Variants in CDH23 observed in about 807,000 individuals in gnomAD.
The protein encoded by CDH23 is cadherin related 23.
A neutral mutation model predicts 317.1 loss-of-function variants in CDH23; 189 were observed. That is an observed-to-expected ratio of 0.60 (90% CI 0.53 to 0.67). The LOEUF is 0.67. CDH23 is among the 30% of genes least tolerant of loss of function. The probability of loss-of-function intolerance (pLI) is 0.00; values close to 1 mark genes in which losing one functional copy is unlikely to be tolerated. For missense variants in CDH23, 4,401 were observed against 4,592.4 expected (o/e 0.96, Z 1.20); for synonymous variants, 1,839 against 1,876.8 (o/e 0.98, Z 0.52).
intron 1 of CDH23, among the ~76,000 whole-genome samples, chr10:71,420,857 G>A (rs183338145): frequency 3.9e-5 from 6 of 152,076 alleles, no homozygotes; most frequent in Non-Finnish European, 8.8e-5. Flanking sequence ...GCATTTCTCG[G>A]CACCACCCCC....
At chr10:71,637,986 G>C (rs370249608) in intron 11 of CDH23, among the ~76,000 whole-genome samples, 3 of 152,154 alleles carry the variant, frequency 2.0e-5, no homozygotes, top group African/African-American at 7.2e-5. Flanking sequence ...AGGGTTGGTT[G>C]ACGGTCCCCT....
chr10:71,451,974 G>C (rs1473565060), intron 3 of CDH23, among the ~76,000 whole-genome samples: 6 of 152,210 alleles, frequency 3.9e-5, no homozygotes, highest in Non-Finnish European at 8.8e-5. Context: ...CGAGGTGTTG[G>C]TGGCGATGGG....
intron 14 of CDH23, among the ~76,000 whole-genome samples, chr10:71,658,553 G>A (rs1377889724): frequency 6.6e-6 from 1 of 152,254 alleles, no homozygotes; most frequent in Non-Finnish European, 1.5e-5. Flanking sequence ...AGCTCTGTCT[G>A]CGGCTAATCT....
At chr10:71,492,819 G>A (rs934598630) in intron 3 of CDH23, among the ~76,000 whole-genome samples, 1 of 152,224 alleles carries the variant, frequency 6.6e-6, no homozygotes, top group African/African-American at 2.4e-5. Flanking sequence ...GGTGTGCTGC[G>A]CTTGGAGTCT....
chr10:71,711,822 G>C (rs1227552927), intron 27 of CDH23: 1 of 152,106 alleles, frequency 6.6e-6, no homozygotes, highest in African/African-American at 2.4e-5. Flanking sequence ...CTGGAGTGGA[G>C]GACAGCTGCC....
chr10:71,504,251 GT>G (rs1853508134), intron 3 of CDH23, among the ~76,000 whole-genome samples: 1 of 152,104 alleles, frequency 6.6e-6, no homozygotes, highest in Non-Finnish European at 1.5e-5. Flanking sequence ...TCTACTTTCT[GT>G]CTCTATGAAT....
At chr10:71,549,527 G>A (rs1856467781) in intron 6 of CDH23, among the ~76,000 whole-genome samples, 1 of 152,208 alleles carries the variant, frequency 6.6e-6, no homozygotes, top group African/African-American at 2.4e-5. Flanking sequence ...CTAAACAGGG[G>A]TAACAAGCAG....
At chr10:71,763,750 G>A (rs1324408232) in intron 38 of CDH23, among the ~76,000 whole-genome samples, 1 of 152,222 alleles carries the variant, frequency 6.6e-6, no homozygotes, top group Admixed American at 6.5e-5. Flanking sequence ...CGAGTAGTCG[G>A]CGCTTGGTAC....
At position 71,806,236 on chromosome 10, in the gene CDH23, C is replaced by T. The variant is rs1387991332; in HGVS notation, c.8133C>T (p.Ala2711=). Reference sequence around the variant, plus strand: ...AGACTATGCAGCCGCTGCAGGTGGCCCTGGAGGACATCGATGACAACGAAC... The same window carrying T: ...AGACTATGCAGCCGCTGCAGGTGGCTCTGGAGGACATCGATGACAACGAAC... ...PYETMQPLQV[A]LEDIDDNEPL... The change falls in exon 57 of 70, where the codon GCC becomes GCT. Residue 2711 remains alanine (A), a synonymous_variant. Coordinates refer to ENST00000224721, the MANE Select transcript of CDH23 (RefSeq NM_022124.6). The T allele has an allele frequency of 1.3e-6, 2 of 1,576,096 alleles. No homozygotes were observed. Among genetic ancestry groups the T allele is most frequent in the Non-Finnish European group, 1.7e-6 (2 of 1,160,966 alleles).
intron 3 of CDH23, among the ~76,000 whole-genome samples, chr10:71,463,079 T>G (rs73283741): frequency 0.011 from 1,671 of 152,348 alleles, 30 homozygotes; most frequent in African/African-American, 0.037. Flanking sequence ...TTTCACAACC[T>G]AGATTACCTA....
chr10:71,737,691 A>AC (rs1564767428), intron 34 of CDH23: 2 of 469,494 alleles, frequency 4.3e-6, no homozygotes, highest in Non-Finnish European at 8.8e-6. Context: ...AGCTCCTCCA[A>AC]CCCCCCTCAC....
intron 26 of CDH23, among the ~76,000 whole-genome samples, chr10:71,708,161 CA>C (rs1405595587): frequency 6.6e-6 from 1 of 152,160 alleles, no homozygotes; most frequent in Non-Finnish European, 1.5e-5. Context: ...GATGGTACTT[CA>C]GACACTGGGG....
rs531513127 is a variant in CDH23, at chr10:71,793,440, G to C, written c.6512G>C (p.Arg2171Pro). The C allele has an allele frequency of 6.2e-7, 1 of 1,613,936 alleles. No homozygotes were observed. The highest frequency in any genetic ancestry group is 1.1e-5 in the South Asian group (1 of 91,072). Reference protein sequence around the residue: ...TILIDDINDSRPEFLNPIQTV... With the variant: ...TILIDDINDSPPEFLNPIQTV... ...CTGATCGATGACATCAATGACTCCC[G>C]CCCCGAGTTCCTCAACCCCATCCAG... The change falls in exon 48 of 70, where the codon CGC becomes CCC. Residue 2171 changes from arginine (R) to proline (P), a missense_variant. Physicochemically the swap from Arg to Pro is moderately radical, Grantham distance 103. Around this residue, in one of 3 missense-constraint regions of CDH23, gnomAD observed 3,068 missense variants for 3,203.3 expected, o/e 0.96. Transcript: ENST00000224721.
At chr10:71,519,218 G>C (rs1854516758) in intron 6 of CDH23, among the ~76,000 whole-genome samples, 1 of 152,100 alleles carries the variant, frequency 6.6e-6, no homozygotes, top group Admixed American at 6.6e-5. Context: ...GCACTCACCG[G>C]AACACCTTTT....
chr10:71,712,982 C>T, intron 28 of CDH23, 169 bp downstream of exon 28: 2 of 831,416 alleles, frequency 2.4e-6, no homozygotes, highest in Non-Finnish European at 4.0e-6. Flanking sequence ...AGGCCCTCTC[C>T]CATCCCAGGG....
intron 36 of CDH23, 73 bp downstream of exon 36, chr10:71,739,845 G>T: frequency 6.7e-7 from 1 of 1,492,474 alleles, no homozygotes. Flanking sequence ...CTCCATCCAG[G>T]AGAGAGCCTG....
chr10:71,762,551 C>T (rs1188330584), intron 38 of CDH23, among the ~76,000 whole-genome samples: 2 of 152,246 alleles, frequency 1.3e-5, no homozygotes, highest in South Asian at 2.1e-4. Flanking sequence ...TGCATGGCCT[C>T]CCCTTGAGCA....
chr10:71,815,376 AG>A lies in CDH23; in HGVS notation c.*100del. The A allele has an allele frequency of 2.5e-6, 3 of 1,200,454 alleles. No individual in the cohort carries two copies. Among genetic ancestry groups the A allele is most frequent in the Non-Finnish European group, 3.4e-6 (3 of 879,942 alleles). The allele number at this position is 1,200,454 out of a possible 1,614,324, so 74.4% of individuals were successfully genotyped here. A position where few individuals can be genotyped will look rare whatever the true frequency, so the allele number is the denominator to read the frequency against. ...AGGGCCGGTCGGGGGGGACCCTCCA[AG>A]GCCAGGCCTTGGGGACAACCTTGGC... is the stretch of plus-strand genomic sequence containing the variant. On this transcript the variant is annotated 3_prime_UTR_variant, in exon 70 of 70. Coordinates refer to ENST00000224721, the MANE Select transcript of CDH23 (RefSeq NM_022124.6).
intron 38 of CDH23, among the ~76,000 whole-genome samples, chr10:71,763,740 C>T (rs1024289205): frequency 2.0e-5 from 3 of 152,206 alleles, no homozygotes; most frequent in African/African-American, 4.8e-5. Flanking sequence ...AAGTGCCATG[C>T]GAGTAGTCGG....
Sources: allele counts gnomAD v4.1 joint callset (sites outside exome capture counted in the v4.1 genomes callset), GRCh38; gene constraint gnomAD v4.1.1; regional missense constraint gnomAD v4.1.1; transcripts MANE v1.5; gene names NCBI Gene and HGNC (gene_info 2026-07-23, HGNC 2026-07-21).